XXYLT1: variants seen among roughly 807,000 people sequenced by gnomAD.
XXYLT1 encodes the protein UDP-xylose:alpha-xyloside alpha-1,3-xylosyltransferase.
In XXYLT1, 20 loss-of-function variants were observed where a neutral mutation model predicts 28.9. The observed-to-expected ratio is 0.69, with a 90% CI of 0.49 to 1.00. The LOEUF (loss-of-function observed/expected upper bound fraction) is 1.00, where lower values mean the gene tolerates loss of function less well. Among genes scored for constraint, XXYLT1 ranks in the 50% least tolerant of loss-of-function variants. The pLI is 0.00. For missense variants in XXYLT1, 542 were observed against 560.1 expected, an observed-to-expected ratio of 0.97 and a Z score of 0.33; for synonymous variants, 257 against 253.8, an observed-to-expected ratio of 1.01 and a Z score of -0.12.
At chr3:195,187,305 C>T (rs1722244742) in intron 2 of XXYLT1, among the ~76,000 whole-genome samples, 1 of 151,934 alleles carries the variant, frequency 6.6e-6, no homozygotes, top group Non-Finnish European at 1.5e-5. Context: ...CCTCGTGATC[C>T]ACCCGCCTTG....
chr3:195,096,299 G>A (rs1188797174), intron 3 of XXYLT1, among the ~76,000 whole-genome samples: 4 of 152,282 alleles, frequency 2.6e-5, no homozygotes, highest in East Asian at 1.9e-4. Context: ...GTGGCCAGAC[G>A]GGGAGGCTGG....
chr3:195,179,604 T>C (rs529435645), intron 2 of XXYLT1, among the ~76,000 whole-genome samples: 50 of 152,074 alleles, frequency 3.3e-4, no homozygotes, highest in Non-Finnish European at 4.9e-4. Context: ...TGAGGAGACA[T>C]TGGCCCCAGA....
At chr3:195,155,484 G>A (rs1357471449) in intron 3 of XXYLT1, among the ~76,000 whole-genome samples, 2 of 151,806 alleles carry the variant, frequency 1.3e-5, no homozygotes, top group Non-Finnish European at 2.9e-5. Flanking sequence ...CAGGCCCAGG[G>A]CCACAGGCCT....
intron 1 of XXYLT1, among the ~76,000 whole-genome samples, chr3:195,232,967 A>C (rs1724363557): frequency 6.6e-6 from 1 of 152,198 alleles, no homozygotes; most frequent in Non-Finnish European, 1.5e-5. Context: ...TCCAATGCTG[A>C]AAGTGGGGTG....
At position 195,150,978 on chromosome 3, in the gene XXYLT1, C is replaced by T. The variant is rs1405974364; in HGVS notation, c.785+5471G>A. ...AGGCCTCCTGGTCCCAGTGGCCTCC[C>T]CAAATGACCCAGTCCACAGTTGGGC... On this transcript the variant is annotated intron_variant, in intron 3 of 3. Coordinates refer to ENST00000310380, the MANE Select transcript of XXYLT1 (RefSeq NM_152531.5). This position sits in a 1 kb window ranked among gnomAD's most constrained non-coding sequence, Gnocchi z 4.7. Among the ~76,000 whole-genome samples the T allele has an allele frequency of 6.6e-6, 1 of 152,072 alleles. No individual in the cohort carries two copies. The highest frequency in any genetic ancestry group is 1.9e-4 in the East Asian group (1 of 5,170).
At position 195,115,580 on chromosome 3, in the gene XXYLT1, G is replaced by A. The variant is rs115890210; in HGVS notation, c.785+40869C>T. Among the ~76,000 whole-genome samples the A allele has an allele frequency of 0.011, 1,691 of 152,328 alleles. 16 individuals carry two copies. The highest frequency in any genetic ancestry group is 0.016 in the Admixed American group (244 of 15,310). The stretch of plus-strand genomic sequence containing the variant: ...AAACCCTGCCTGGCAAACCGAGCAC[G>A]CGTGAAGGCCTCAGGAGCCACAGTG... On this transcript the variant is annotated intron_variant, in intron 3 of 3. Coordinates refer to ENST00000310380, the MANE Select transcript of XXYLT1 (RefSeq NM_152531.5). This position sits in a 1 kb window ranked among gnomAD's most constrained non-coding sequence, Gnocchi z 4.2.
chr3:195,080,789 C>G (rs1477754887), intron 3 of XXYLT1, among the ~76,000 whole-genome samples: 2 of 152,188 alleles, frequency 1.3e-5, no homozygotes, highest in African/African-American at 2.4e-5. Context: ...CAATCCGCAC[C>G]AGCGCCCTTC....
chr3:195,136,477 G>T (rs1410165334), intron 3 of XXYLT1, among the ~76,000 whole-genome samples: 1 of 152,170 alleles, frequency 6.6e-6, no homozygotes, highest in Admixed American at 6.5e-5. Flanking sequence ...GGGCAGAGGG[G>T]ACAGGCAGGG....
Position 195,215,724 on chromosome 3 carries a change from G to A in XXYLT1, c.652+10985C>T, listed in dbSNP as rs562279346. 5.9e-5 allele frequency among the ~76,000 whole-genome samples: 9 copies of A among 151,942 alleles called. No homozygotes were observed. The South Asian group carries it at 1.9e-3, about 32-fold the overall frequency. ...TTAGACTCCCAAACATTAATAATGG[G>A]AGACTTTAACACCCCACTGTCAACA... is the stretch of plus-strand genomic sequence containing the variant. On this transcript the variant is annotated intron_variant, in intron 2 of 3. Coordinates refer to ENST00000310380, the MANE Select transcript of XXYLT1 (RefSeq NM_152531.5).
intron 3 of XXYLT1, among the ~76,000 whole-genome samples, chr3:195,112,505 CA>C (rs1717793160): frequency 6.8e-5 from 2 of 29,248 alleles, no homozygotes; most frequent in South Asian, 2.9e-3. Context: ...TGCACACACC[CA>C]CACACACCCA....
At chr3:195,204,232 A>G (rs1233393227) in intron 2 of XXYLT1, among the ~76,000 whole-genome samples, 3 of 151,702 alleles carry the variant, frequency 2.0e-5, no homozygotes, top group African/African-American at 7.3e-5. Flanking sequence ...AGTCCCAGCT[A>G]CTTGGGAGGC....
intron 2 of XXYLT1, among the ~76,000 whole-genome samples, chr3:195,206,587 G>C (rs1723080857): frequency 6.6e-6 from 1 of 151,806 alleles, no homozygotes; most frequent in Non-Finnish European, 1.5e-5. Flanking sequence ...TAAGCAACAT[G>C]GTGAAACCCC....
chr3:195,079,979 C>T lies in XXYLT1; in HGVS notation c.786-9868G>A, dbSNP rs140480972. Among the ~76,000 whole-genome samples the T allele has an allele frequency of 3.1e-3, 473 of 152,050 alleles. 4 individuals are homozygous for T. Among genetic ancestry groups the T allele is most frequent in the African/African-American group, 0.011 (453 of 41,458 alleles). ...TGGGCATCTGATTCACAGAAGGGCC[C>T]CCAGAACTGTTAGTTTCAAATGGAT... On this transcript the variant is annotated intron_variant, in intron 3 of 3. Transcript: ENST00000310380.
intron 3 of XXYLT1, among the ~76,000 whole-genome samples, chr3:195,091,029 TAATC>T: frequency 6.6e-6 from 1 of 151,166 alleles, no homozygotes; most frequent in East Asian, 1.9e-4. Flanking sequence ...ATTGTGGCAA[TAATC>T]AATAGCTTAC....
rs967271597 is a variant in XXYLT1, at chr3:195,247,563, A to G, written c.505-20707T>C. ...AAACTGGCATTGAGCCCCAGTTCCGAATGGCCCCCCACCTCCTTCCTGGCT... is the reference window on the plus strand; with the variant it reads ...AAACTGGCATTGAGCCCCAGTTCCGGATGGCCCCCCACCTCCTTCCTGGCT... On this transcript the variant is annotated intron_variant, in intron 1 of 3. Coordinates refer to ENST00000310380, the MANE Select transcript of XXYLT1 (RefSeq NM_152531.5). Among the ~76,000 whole-genome samples, 5 of 152,136 alleles carry G rather than the reference A, an allele frequency of 3.3e-5. No individual in the cohort carries two copies. In the South Asian group the frequency reaches 1.0e-3, roughly 31 times the overall value.
In XXYLT1 at chr3:195,068,583, G is replaced by GT. The variant is rs1294135681; in HGVS notation, c.*1131_*1132insA. The GT allele has an allele frequency of 5.8e-5, 8 of 137,842 alleles. No individual in the cohort carries two copies. Among genetic ancestry groups the GT allele is most frequent in the East Asian group, 4.8e-4 (2 of 4,168 alleles). 8.5% of individuals were successfully genotyped at this position (137,842 alleles called of 1,614,324 possible). ...CTTGGGAATTGCTGGGTTCCTTTTTGGTTTTTTTTTTTTTTTTGAGATGGA... is the reference window on the plus strand; with the variant it reads ...CTTGGGAATTGCTGGGTTCCTTTTTGTGTTTTTTTTTTTTTTTTGAGATGGA... On this transcript the variant is annotated 3_prime_UTR_variant, in exon 4 of 4. Transcript: ENST00000310380.
At chr3:195,189,149 CAT>C (rs546202015) in intron 2 of XXYLT1, among the ~76,000 whole-genome samples, 39 of 152,234 alleles carry the variant, frequency 2.6e-4, no homozygotes, top group Non-Finnish European at 3.2e-4. Context: ...TAGAGTAACA[CAT>C]GTGACTTGCC....
Position 195,133,912 on chromosome 3 carries a change from G to GA in XXYLT1, c.785+22536dup, listed in dbSNP as rs1719032436. Among the ~76,000 whole-genome samples the GA allele has an allele frequency of 6.6e-6, 1 of 152,116 alleles. No homozygotes were observed. The highest frequency in any genetic ancestry group is 6.6e-5 in the Admixed American group (1 of 15,266). Reference sequence around the variant, plus strand: ...AAAGCTTACAGAATAAGGATAAAAAGAAAAAGTATTTACTTTTGGCTGGGT... The same window carrying GA: ...AAAGCTTACAGAATAAGGATAAAAAGAAAAAAGTATTTACTTTTGGCTGGGT... On this transcript the variant is annotated intron_variant, in intron 3 of 3. Coordinates refer to ENST00000310380, the MANE Select transcript of XXYLT1 (RefSeq NM_152531.5). This position sits in a 1 kb window ranked among gnomAD's most constrained non-coding sequence, Gnocchi z 4.4.
chr3:195,130,347 C>A (rs1313354221), intron 3 of XXYLT1, among the ~76,000 whole-genome samples: 1 of 152,224 alleles, frequency 6.6e-6, no homozygotes, highest in South Asian at 2.1e-4. Context: ...CTGCTGTCTT[C>A]TAGAAACTGC....
Sources: allele counts gnomAD v4.1 joint callset (sites outside exome capture counted in the v4.1 genomes callset), GRCh38; gene constraint gnomAD v4.1.1; non-coding constraint Gnocchi (gnomAD v3.1); transcripts MANE v1.5; gene names NCBI Gene and HGNC (gene_info 2026-07-23, HGNC 2026-07-21).